The following HTR7 variants were observed in gnomAD, a reference collection of about 807,000 sequenced individuals.
HTR7 encodes 5-HT-7.
A neutral mutation model predicts 34.0 loss-of-function variants in HTR7; 16 were observed. The observed-to-expected ratio is 0.47, with a 90% CI of 0.32 to 0.71. The LOEUF (loss-of-function observed/expected upper bound fraction) is 0.71, where lower values mean the gene tolerates loss of function less well. HTR7 is among the 30% of genes least tolerant of loss of function. HTR7 has a pLI of 0.04. For missense variants in HTR7, 504 were observed against 625.5 expected, an observed-to-expected ratio of 0.81 and a Z score of 2.07; for synonymous variants, 265 against 260.2, an observed-to-expected ratio of 1.02 and a Z score of -0.18.
At chr10:90,771,392 C>T (rs1169690592) in intron 1 of HTR7, among the ~76,000 whole-genome samples, 3 of 152,224 alleles carry the variant, frequency 2.0e-5, no homozygotes. Context: ...AGGGCTGAAA[C>T]ATACCCACTG....
At chr10:90,787,368 C>T (rs140929326) in intron 1 of HTR7, among the ~76,000 whole-genome samples, 1 of 151,938 alleles carries the variant, frequency 6.6e-6, no homozygotes, top group African/African-American at 2.4e-5. Context: ...CGCACCTGTA[C>T]TCCCAGCTAC....
intron 1 of HTR7, among the ~76,000 whole-genome samples, chr10:90,771,197 G>C (rs1034583397): frequency 5.3e-5 from 8 of 152,126 alleles, no homozygotes; most frequent in African/African-American, 1.9e-4. Context: ...ACACTCAATG[G>C]GACACCCTGG....
At chr10:90,775,243 G>A (rs1224320853) in intron 1 of HTR7, among the ~76,000 whole-genome samples, 1 of 152,202 alleles carries the variant, frequency 6.6e-6, no homozygotes, top group Non-Finnish European at 1.5e-5. Context: ...AGGCAATAGT[G>A]ATAGGATGGT....
chr10:90,850,162 A>G (rs563350885), intron 1 of HTR7, among the ~76,000 whole-genome samples: 1 of 152,392 alleles, frequency 6.6e-6, no homozygotes, highest in East Asian at 1.9e-4. Flanking sequence ...TAGTTCCCTC[A>G]AAACATTTGC....
At chr10:90,855,522 G>A (rs566281678) in intron 1 of HTR7, among the ~76,000 whole-genome samples, 1 of 152,330 alleles carries the variant, frequency 6.6e-6, no homozygotes, top group African/African-American at 2.4e-5. Context: ...ATTACACTAA[G>A]TTCCATTTAA....
At chr10:90,759,074 CTA>C (rs1357230038) in intron 1 of HTR7, among the ~76,000 whole-genome samples, 2 of 151,802 alleles carry the variant, frequency 1.3e-5, no homozygotes, top group Non-Finnish European at 2.9e-5. Flanking sequence ...GTCATCCCAG[CTA>C]CTCGGGAGGC....
In HTR7 at chr10:90,828,945, G is replaced by A. The variant is rs930427370; in HGVS notation, c.539+28188C>T. On this transcript the variant is annotated intron_variant, in intron 1 of 3. Coordinates refer to ENST00000336152, the MANE Select transcript of HTR7 (RefSeq NM_019859.4). Reference sequence around the variant, plus strand: ...AATTTAAAAAAAAGAAAGAAAGAAAGAAAAAAAAAGTACAGGCTAATATCC... The same window carrying A: ...AATTTAAAAAAAAGAAAGAAAGAAAAAAAAAAAAAGTACAGGCTAATATCC... 6.0e-5 allele frequency among the ~76,000 whole-genome samples: 9 copies of A among 149,528 alleles called. No individual in the cohort carries two copies. In the South Asian group the frequency reaches 1.1e-3, roughly 18 times the overall value.
intron 1 of HTR7, among the ~76,000 whole-genome samples, chr10:90,757,555 T>C (rs917982419): frequency 2.0e-5 from 3 of 152,166 alleles, no homozygotes; most frequent in Non-Finnish European, 2.9e-5. Context: ...ACTCCCTTCC[T>C]TTCCCCGCAA....
At chr10:90,747,894 A>G (rs1844665111) in intron 2 of HTR7, among the ~76,000 whole-genome samples, 1 of 152,232 alleles carries the variant, frequency 6.6e-6, no homozygotes, top group South Asian at 2.1e-4. Flanking sequence ...CATTTAAAAC[A>G]AAGTCTTCAT....
intron 1 of HTR7, among the ~76,000 whole-genome samples, chr10:90,789,590 A>G (rs1391980210): frequency 6.6e-6 from 1 of 152,218 alleles, no homozygotes; most frequent in Non-Finnish European, 1.5e-5. Context: ...GCTGAAGGTT[A>G]ACAGACAATT....
chr10:90,836,444 G>T (rs570756546), intron 1 of HTR7, among the ~76,000 whole-genome samples: 24 of 152,244 alleles, frequency 1.6e-4, no homozygotes, highest in African/African-American at 5.3e-4. Flanking sequence ...TAACAATGCT[G>T]CCTGTCAGTG....
chr10:90,848,228 A>C (rs1182253438), intron 1 of HTR7, among the ~76,000 whole-genome samples: 1 of 151,948 alleles, frequency 6.6e-6, no homozygotes, highest in East Asian at 1.9e-4. Context: ...ATACCCAGCT[A>C]ATTTTGTATT....
intron 2 of HTR7, among the ~76,000 whole-genome samples, chr10:90,746,640 G>C (rs151257809): frequency 5.6e-4 from 85 of 152,264 alleles, no homozygotes; most frequent in Non-Finnish European, 9.3e-4. Context: ...GTCACTTTCA[G>C]AAGACTATAT....
chr10:90,754,420 G>A (rs977622216), intron 1 of HTR7, among the ~76,000 whole-genome samples: 7 of 151,958 alleles, frequency 4.6e-5, no homozygotes, highest in African/African-American at 1.7e-4. Flanking sequence ...AAACTAGACT[G>A]ATTTTTAACA....
At position 90,808,571 on chromosome 10, in the gene HTR7, C is replaced by T. The variant is rs1845742963; in HGVS notation, c.539+48562G>A. ...CTGTTATATCTCTGCGCCCTGATCCCTTATTTCCATGCCCCGACCTTGTAT... is the reference window on the plus strand; with the variant it reads ...CTGTTATATCTCTGCGCCCTGATCCTTTATTTCCATGCCCCGACCTTGTAT... On this transcript the variant is annotated intron_variant, in intron 1 of 3. Coordinates refer to ENST00000336152, the MANE Select transcript of HTR7 (RefSeq NM_019859.4). Among the ~76,000 whole-genome samples the T allele has an allele frequency of 1.3e-5, 2 of 151,858 alleles. 1 individual carries two copies. The highest frequency in any genetic ancestry group is 4.2e-4 in the South Asian group (2 of 4,796).
rs190319817 is a variant in HTR7 at position 90,777,350 on chromosome 10, G to T, written c.540-27756C>A. Among the ~76,000 whole-genome samples, 53 of 152,024 alleles carry T rather than the reference G, an allele frequency of 3.5e-4. No homozygotes were observed. The Middle Eastern group carries it at 0.014, about 39-fold the overall frequency. ...ACAAAAATTAGCTGGGTGTGGTGGT[G>T]GGCGCCTGTAATCCCAGCTACTAAG... On this transcript the variant is annotated intron_variant, in intron 1 of 3. Transcript: ENST00000336152.
chr10:90,772,816 G>T (rs914984861), intron 1 of HTR7, among the ~76,000 whole-genome samples: 12 of 152,118 alleles, frequency 7.9e-5, no homozygotes, highest in Admixed American at 6.6e-4. Context: ...ACATGCCAGG[G>T]TCTGGGATAA....
chr10:90,750,715 A>C (rs1203687104), intron 1 of HTR7, among the ~76,000 whole-genome samples: 2 of 152,350 alleles, frequency 1.3e-5, no homozygotes, highest in Admixed American at 6.5e-5. Context: ...AACTCAAAAA[A>C]CAATTTCTGC....
At chr10:90,843,631 T>C (rs1846363586) in intron 1 of HTR7, among the ~76,000 whole-genome samples, 1 of 151,568 alleles carries the variant, frequency 6.6e-6, no homozygotes, top group Non-Finnish European at 1.5e-5. Flanking sequence ...GGCAGTATGG[T>C]ACATGACTGG....
Sources: gnomAD v4.1 joint callset for allele counts (sites outside exome capture counted in the v4.1 genomes callset) on GRCh38, gnomAD v4.1.1 for gene constraint, MANE v1.5 for transcripts, NCBI Gene and HGNC (gene_info 2026-07-23, HGNC 2026-07-21) for gene names.